Variants in CEP295 observed in about 807,000 individuals in gnomAD.
CEP295 encodes the protein centrosomal protein 295, also known as centrosomal protein of 295 kDa.
Under a neutral mutation model 291.6 loss-of-function variants are expected in CEP295, and 190 were observed. That is an observed-to-expected ratio of 0.65 (90% CI 0.58 to 0.73). The LOEUF (loss-of-function observed/expected upper bound fraction) is 0.73. CEP295 is among the 30% of genes least tolerant of loss of function. The pLI, the probability that CEP295 is intolerant of heterozygous loss-of-function variation, is 0.00. For missense variants in CEP295, 2,863 were observed against 2,949.4 expected (o/e 0.97, Z 0.68); for synonymous variants, 993 against 1,038.8 (o/e 0.96, Z 0.85).
At chr11:93,673,917 G>A (rs1950563602) in intron 5 of CEP295, among the ~76,000 whole-genome samples, 1 of 149,254 alleles carries the variant, frequency 6.7e-6, no homozygotes, top group African/African-American at 2.5e-5. Context: ...ACATCAGACT[G>A]TACATTTTTA....
At chr11:93,670,885 G>C (rs1391972730) in intron 5 of CEP295, among the ~76,000 whole-genome samples, 1 of 130,272 alleles carries the variant, frequency 7.7e-6, no homozygotes, top group African/African-American at 2.6e-5. Flanking sequence ...GAACTATTTA[G>C]TTCTTTTTTT....
At chr11:93,681,604 CAG>C (rs1326462393) in intron 7 of CEP295, among the ~76,000 whole-genome samples, 1 of 151,394 alleles carries the variant, frequency 6.6e-6, no homozygotes, top group East Asian at 1.9e-4. Flanking sequence ...TTAGTAGAGA[CAG>C]GGTTTCACCA....
chr11:93,681,466 AG>A (rs1351504298), intron 7 of CEP295, among the ~76,000 whole-genome samples: 1 of 111,468 alleles, frequency 9.0e-6, no homozygotes, highest in Non-Finnish European at 1.7e-5. Context: ...CTCAGGCGGG[AG>A]TGCAATGGCG....
chr11:93,698,001 T>C lies in CEP295; in HGVS notation c.3089T>C (p.Val1030Ala), dbSNP rs573420528. 3.2e-5 allele frequency: 50 copies of C among 1,551,740 alleles called. No individual in the cohort carries two copies. Among genetic ancestry groups the C allele is most frequent in the East Asian group, 3.2e-4 (13 of 40,922 alleles). Residue 1030 changes from valine to alanine, a missense_variant, in exon 15 of 30, where the codon GTT (valine) becomes GCT (alanine). By Grantham distance (64) the Val-to-Ala change is moderately conservative. Transcript: ENST00000325212. ...QHSSKSEKGL[V>A]SCQSDIPISQ... is the part of the protein sequence containing the mutation. ...TCATCTAAGAGCGAGAAAGGACTTG[T>C]TTCATGCCAATCTGACATCCCCATA...
intron 11 of CEP295, 59 bp from the exon 12 acceptor site, chr11:93,691,868 A>G: frequency 7.7e-7 from 1 of 1,301,658 alleles, no homozygotes; most frequent in Non-Finnish European, 1.1e-6. Flanking sequence ...AAAGGGCATT[A>G]TAGTGGTGTC....
At position 93,696,555 on chromosome 11, in the gene CEP295, G is replaced by C. The variant is rs538546078; in HGVS notation, c.1770-127G>C. ...AACTGCCATTCTTAAAGGACAATGT[G>C]AGTGTAATTTCTTTTCACCATGAGT... On this transcript the variant is annotated intron_variant, in intron 14 of 29. Coordinates refer to ENST00000325212, the MANE Select transcript of CEP295 (RefSeq NM_033395.2). The C allele has an allele frequency of 6.7e-4, 696 of 1,045,790 alleles. 1 individual carries two copies. The highest frequency in any genetic ancestry group is 9.0e-4 in the Non-Finnish European group (661 of 734,172). The allele number at this position is 1,045,790 out of a possible 1,614,324, so 64.8% of individuals were successfully genotyped here.
At position 93,706,822 on chromosome 11, in the gene CEP295, C is replaced by A. The variant is rs771926303; in HGVS notation, c.5674C>A (p.Leu1892Met). Residue 1892 changes from leucine (L) to methionine (M), a missense_variant, in exon 18 of 30, where the codon CTG becomes ATG. Leu to Met is a conservative substitution (Grantham distance 15, BLOSUM62 2). This residue lies in a region of CEP295 where 2,295 missense variants were observed against 2,335.7 expected (regional missense o/e 0.98). Coordinates refer to ENST00000325212, the MANE Select transcript of CEP295 (RefSeq NM_033395.2). Reference sequence around the variant, plus strand: ...AGAACAAAGTTTCTTTGGGAGCCCACTGGCCCATGATCCGTTTAGTTGTCT... The same window carrying A: ...AGAACAAAGTTTCTTTGGGAGCCCAATGGCCCATGATCCGTTTAGTTGTCT... ...SREQSFFGSP[L>M]AHDPFSCLQL... 4.5e-6 allele frequency: 7 copies of A among 1,550,704 alleles called. No homozygotes were observed. Among genetic ancestry groups the A allele is most frequent in the Non-Finnish European group, 5.2e-6 (6 of 1,146,470 alleles).
intron 18 of CEP295, 95 bp downstream of exon 18, chr11:93,706,992 A>C: frequency 9.0e-7 from 1 of 1,112,552 alleles, no homozygotes; most frequent in Non-Finnish European, 1.2e-6. Flanking sequence ...AAAATGGTAA[A>C]TAAACTTAGT....
At chr11:93,719,528 G>A (rs571370946) in intron 18 of CEP295, 8 of 152,090 alleles carry the variant, frequency 5.3e-5, no homozygotes, top group African/African-American at 1.7e-4. Flanking sequence ...TCAACTTCCT[G>A]AGTTGCTGGG....
chr11:93,690,248 A>G (rs928006275), intron 10 of CEP295, among the ~76,000 whole-genome samples: 1 of 152,084 alleles, frequency 6.6e-6, no homozygotes, highest in African/African-American at 2.4e-5. Flanking sequence ...CGTCTCCACT[A>G]AAAATACAAA....
At chr11:93,728,982 C>A in intron 25 of CEP295, 161 bp downstream of exon 25, 1 of 608,066 alleles carries the variant, frequency 1.6e-6, no homozygotes, top group Non-Finnish European at 2.8e-6. Flanking sequence ...CTTCACTATT[C>A]TGTCAACCAT....
intron 18 of CEP295, among the ~76,000 whole-genome samples, chr11:93,714,877 G>A (rs1318137437): frequency 6.6e-6 from 1 of 152,086 alleles, no homozygotes; most frequent in Non-Finnish European, 1.5e-5. Context: ...TGAGCTGCCT[G>A]GAGCTGGGGG....
intron 15 of CEP295, 142 bp downstream of exon 15, chr11:93,700,328 T>A: frequency 1.3e-6 from 1 of 789,398 alleles, no homozygotes; most frequent in Non-Finnish European, 2.0e-6. Context: ...CTAAATGATG[T>A]GGAAGTTAAA....
chr11:93,704,026 C>G (rs1268570179), intron 17 of CEP295, among the ~76,000 whole-genome samples: 3 of 152,072 alleles, frequency 2.0e-5, no homozygotes, highest in Admixed American at 2.0e-4. Context: ...GCCTCGGCCT[C>G]CCAAAGTGCT....
At chr11:93,669,968 C>T (rs952063089) in intron 5 of CEP295, among the ~76,000 whole-genome samples, 198 bp downstream of exon 5, 1 of 152,024 alleles carries the variant, frequency 6.6e-6, no homozygotes, top group Admixed American at 6.6e-5. Context: ...GTATGTATCT[C>T]TGATGTATAA....
At chr11:93,726,842 G>A (rs1015843883) in intron 23 of CEP295, 134 bp from the exon 24 acceptor site, 3 of 647,326 alleles carry the variant, frequency 4.6e-6, no homozygotes, top group Non-Finnish European at 2.6e-6. Flanking sequence ...TTGTATTCAT[G>A]TTTATACACA....
intron 1 of CEP295, among the ~76,000 whole-genome samples, chr11:93,664,653 A>G (rs1356721750): frequency 1.3e-5 from 2 of 152,218 alleles, no homozygotes; most frequent in Non-Finnish European, 2.9e-5. Context: ...GTAACTACCT[A>G]TGGGCGAGAC....
chr11:93,698,483 A>G lies in CEP295; in HGVS notation c.3571A>G (p.Ser1191Gly). ...EGTQEFVHTESELEKRISSEQ... is the reference protein window; with the variant it reads ...EGTQEFVHTEGELEKRISSEQ... ...AACTCAGGAATTTGTACACACAGAAAGTGAATTGGAGAAAAGAATTTCTTC... is the reference window on the plus strand; with the variant it reads ...AACTCAGGAATTTGTACACACAGAAGGTGAATTGGAGAAAAGAATTTCTTC... Residue 1191 changes from serine to glycine, a missense_variant, in exon 15 of 30, where the codon AGT (serine) becomes GGT (glycine). By Grantham distance (56) the Ser-to-Gly change is moderately conservative. This residue lies in a region of CEP295 where 2,295 missense variants were observed against 2,335.7 expected (regional missense o/e 0.98). Transcript: ENST00000325212. 1 of 1,551,992 alleles carries G rather than the reference A, an allele frequency of 6.4e-7. No homozygotes were observed. The highest frequency in any genetic ancestry group is 1.7e-4 in the Middle Eastern group (1 of 5,994).
At chr11:93,723,335 A>T (rs1346842426) in intron 21 of CEP295, 46 bp downstream of exon 21, 1 of 1,326,034 alleles carries the variant, frequency 7.5e-7, no homozygotes, top group African/African-American at 1.5e-5. Context: ...TAAGTTTTAA[A>T]TTTTCACCTT....
Sources: gnomAD v4.1 joint callset for allele counts (sites outside exome capture counted in the v4.1 genomes callset) on GRCh38, gnomAD v4.1.1 for gene constraint, gnomAD v4.1.1 regional missense constraint, MANE v1.5 for transcripts, NCBI Gene and HGNC (gene_info 2026-07-23, HGNC 2026-07-21) for gene names.